Variants in SCAF8 observed in about 807,000 individuals in gnomAD.
The protein encoded by SCAF8 is SR-related and CTD-associated factor 8.
A neutral mutation model predicts 140.5 loss-of-function variants in SCAF8; 23 were observed. The observed-to-expected ratio is 0.16, with a 90% CI of 0.12 to 0.23. The LOEUF (loss-of-function observed/expected upper bound fraction) is 0.23. Among genes scored for constraint, SCAF8 ranks in the 10% least tolerant of loss-of-function variants. The pLI, the probability that SCAF8 is intolerant of heterozygous loss-of-function variation, is 1.00. For synonymous variants in SCAF8, 575 were observed against 528.9 expected, an observed-to-expected ratio of 1.09 and a Z score of -1.20; for missense variants, 1,397 against 1,555.7, an observed-to-expected ratio of 0.90 and a Z score of 1.72.
At chr6:154,806,200 C>T (rs983278894) in intron 9 of SCAF8, among the ~76,000 whole-genome samples, 2 of 151,998 alleles carry the variant, frequency 1.3e-5, no homozygotes, top group Admixed American at 6.6e-5. Flanking sequence ...GTTCATCTTA[C>T]GAATTTGATA....
intron 1 of SCAF8, among the ~76,000 whole-genome samples, chr6:154,759,940 A>T (rs1166850406): frequency 1.3e-5 from 2 of 151,314 alleles, no homozygotes; most frequent in African/African-American, 4.8e-5. Flanking sequence ...AAGTGTTGGG[A>T]TTACAGGCGT....
chr6:154,788,221 T>C (rs892494178), intron 4 of SCAF8, among the ~76,000 whole-genome samples, 199 bp downstream of exon 4: 11 of 152,194 alleles, frequency 7.2e-5, no homozygotes, highest in African/African-American at 2.7e-4. Context: ...TGTACAGAAA[T>C]ACCACTGTGT....
Position 154,815,772 on chromosome 6 carries a change from T to G in SCAF8, c.1477T>G (p.Leu493Val). 2 of 1,613,188 alleles carry G rather than the reference T, an allele frequency of 1.2e-6. No individual in the cohort carries two copies. Among genetic ancestry groups the G allele is most frequent in the Non-Finnish European group, 1.7e-6 (2 of 1,179,356 alleles). ...QVDKKATQQD[L>V]TNLFEEFGQI... ...GGACAAGAAGGCAACACAGCAAGAC[T>G]TAACCAACCTGTTTGAAGAGTTTGG... is the stretch of plus-strand genomic sequence containing the variant. The change falls in exon 13 of 20, where the codon TTA becomes GTA. Residue 493 changes from leucine to valine, a missense_variant. Physicochemically the swap from Leu to Val is conservative, Grantham distance 32. Coordinates refer to ENST00000367178, the MANE Select transcript of SCAF8 (RefSeq NM_014892.5).
At chr6:154,743,040 T>C (rs1302728196) in intron 1 of SCAF8, among the ~76,000 whole-genome samples, 1 of 152,206 alleles carries the variant, frequency 6.6e-6, no homozygotes, top group Non-Finnish European at 1.5e-5. Context: ...GTGATTCTTT[T>C]CCTTTTGTCT....
intron 4 of SCAF8, among the ~76,000 whole-genome samples, chr6:154,789,385 A>G (rs1389546015): frequency 6.6e-6 from 1 of 152,120 alleles, no homozygotes; most frequent in Non-Finnish European, 1.5e-5. Context: ...TGTTGGAATT[A>G]CAAGTGTGAG....
intron 1 of SCAF8, among the ~76,000 whole-genome samples, chr6:154,739,231 A>ATCC (rs1415095944): frequency 6.6e-6 from 1 of 152,088 alleles, no homozygotes; most frequent in Non-Finnish European, 1.5e-5. Flanking sequence ...GCCTTTAATG[A>ATCC]TCCTGCTGTG....
chr6:154,756,302 T>C (rs1363677338), intron 1 of SCAF8, among the ~76,000 whole-genome samples: 1 of 152,242 alleles, frequency 6.6e-6, no homozygotes, highest in African/African-American at 2.4e-5. Flanking sequence ...GTGATTACAT[T>C]TTAGAGATCT....
At chr6:154,739,325 C>CA (rs914275213) in intron 1 of SCAF8, among the ~76,000 whole-genome samples, 6 of 152,066 alleles carry the variant, frequency 3.9e-5, no homozygotes, top group Non-Finnish European at 8.8e-5. Context: ...TTTAAAAAAA[C>CA]AAAAAACAAA....
chr6:154,787,977 C>T lies in SCAF8; in HGVS notation c.276C>T (p.Ile92=). Residue 92 remains isoleucine (I), a synonymous_variant, in exon 4 of 20, where the codon ATC becomes ATT. Transcript: ENST00000367178. ...TTGCACCCAGATTTAGTAATAACATCATTAGCACTTTCCAGAATTTATATC... is the reference window on the plus strand; with the variant it reads ...TTGCACCCAGATTTAGTAATAACATTATTAGCACTTTCCAGAATTTATATC... ...DVFAPRFSNN[I]ISTFQNLYRC... The T allele has an allele frequency of 1.2e-6, 2 of 1,612,692 alleles. No homozygotes were observed. Among genetic ancestry groups the T allele is most frequent in the Non-Finnish European group, 1.7e-6 (2 of 1,179,636 alleles).
At chr6:154,827,545 C>T (rs1778600251) in intron 18 of SCAF8, among the ~76,000 whole-genome samples, 3 of 152,236 alleles carry the variant, frequency 2.0e-5, no homozygotes, top group South Asian at 4.1e-4. Context: ...TGCCCCAGTC[C>T]TCCCTTCCTT....
chr6:154,756,053 T>G (rs1400627520), intron 1 of SCAF8, among the ~76,000 whole-genome samples: 1 of 152,268 alleles, frequency 6.6e-6, no homozygotes, highest in Non-Finnish European at 1.5e-5. Context: ...GGTTTCTAAC[T>G]GGATGTTTAT....
At chr6:154,776,905 G>T (rs1776932288) in intron 2 of SCAF8, among the ~76,000 whole-genome samples, 1 of 152,224 alleles carries the variant, frequency 6.6e-6, no homozygotes, top group Non-Finnish European at 1.5e-5. Context: ...AGAAGGCTGG[G>T]CGCAGTGGCT....
chr6:154,769,369 T>C (rs1024642442), intron 1 of SCAF8, among the ~76,000 whole-genome samples: 1 of 152,178 alleles, frequency 6.6e-6, no homozygotes, highest in African/African-American at 2.4e-5. Context: ...TAGTGCTTGA[T>C]TGAAACTTCC....
rs1281599937 is a variant in SCAF8, at chr6:154,790,543, C to T, written c.322-2280C>T. On this transcript the variant is annotated intron_variant, in intron 4 of 19. Transcript: ENST00000367178. ...TTTTTTTTTTTGAGACGGAGTCTCGCTCTGTTGCCCAGGCTGGAGTGCAGT... is the reference window on the plus strand; with the variant it reads ...TTTTTTTTTTTGAGACGGAGTCTCGTTCTGTTGCCCAGGCTGGAGTGCAGT... Among the ~76,000 whole-genome samples the T allele has an allele frequency of 7.7e-5, 8 of 103,424 alleles. No homozygotes were observed. The Admixed American group carries it at 1.2e-3, about 15-fold the overall frequency. The allele number at this position is 103,424 out of a possible 152,430, so 67.9% of individuals were successfully genotyped here. A position where few individuals can be genotyped will look rare whatever the true frequency, so the allele number is the denominator to read the frequency against.
At chr6:154,824,719 G>A (rs1778513919) in intron 17 of SCAF8, among the ~76,000 whole-genome samples, 4 of 152,162 alleles carry the variant, frequency 2.6e-5, no homozygotes, top group Non-Finnish European at 5.9e-5. Context: ...AAGGTGGGCA[G>A]ATCACTTGAG....
intron 3 of SCAF8, among the ~76,000 whole-genome samples, chr6:154,779,137 A>G (rs1777009911): frequency 6.6e-6 from 1 of 152,096 alleles, no homozygotes; most frequent in Non-Finnish European, 1.5e-5. Flanking sequence ...AGTTCAAGCT[A>G]TTCTCTTGCC....
chr6:154,833,320 CAAG>C lies in SCAF8; in HGVS notation c.3742_3744del (p.Lys1248del). ...AACTGACATCTTCAAATGAAATAAA[CAAG>C]GAGAAGAGTGACACAGTTGCTGATA... On this transcript the variant is annotated inframe_deletion, in exon 20 of 20. Transcript: ENST00000367178. The C allele has an allele frequency of 6.2e-7, 1 of 1,613,836 alleles. No homozygotes were observed.
chr6:154,786,739 A>ATTC (rs1777269846), intron 3 of SCAF8, among the ~76,000 whole-genome samples: 1 of 152,230 alleles, frequency 6.6e-6, no homozygotes, highest in African/African-American at 2.4e-5. Flanking sequence ...AGTCTTAGGA[A>ATTC]TTCTTGTTTT....
Position 154,787,958 on chromosome 6 carries a change from C to T in SCAF8, c.257C>T (p.Pro86Leu), listed in dbSNP as rs753273836. 6.2e-7 allele frequency: 1 copy of T among 1,613,602 alleles called. No individual in the cohort carries two copies. Among genetic ancestry groups the T allele is most frequent in the African/African-American group, 1.3e-5 (1 of 74,922 alleles). Residue 86 changes from proline to leucine, a missense_variant, in exon 4 of 20, where the codon CCC (proline) becomes CTC (leucine). Coordinates refer to ENST00000367178, the MANE Select transcript of SCAF8 (RefSeq NM_014892.5). ...GGTCAAGAAAAGGATGTGTTTGCAC[C>T]CAGATTTAGTAATAACATCATTAGC... ...QFGQEKDVFA[P>L]RFSNNIISTF...
Sources: allele counts gnomAD v4.1 joint callset (sites outside exome capture counted in the v4.1 genomes callset), GRCh38; gene constraint gnomAD v4.1.1; transcripts MANE v1.5; gene names NCBI Gene and HGNC (gene_info 2026-07-23, HGNC 2026-07-21).